CALN1: variants seen among roughly 807,000 people sequenced by gnomAD.
CALN1 encodes the protein calneuron 1.
A neutral mutation model predicts 30.6 loss-of-function variants in CALN1; 17 were observed. The ratio of observed to expected loss-of-function variants is 0.56; its 90% CI spans 0.38 to 0.83. The LOEUF is 0.83. CALN1 is among the 40% of genes least tolerant of loss of function. CALN1 has a pLI of 0.00. For synonymous variants in CALN1, 156 were observed against 131.4 expected, an observed-to-expected ratio of 1.19 and a Z score of -1.28; for missense variants, 291 against 354.9, an observed-to-expected ratio of 0.82 and a Z score of 1.45.
upstream of CALN1, among the ~76,000 whole-genome samples, chr7:72,448,538 C>T (rs1042311237): frequency 6.6e-6 from 1 of 152,114 alleles, no homozygotes; most frequent in Admixed American, 6.5e-5. Context: ...TAGCTCATTG[C>T]ACTTGGCATC....
intron 5 of CALN1, among the ~76,000 whole-genome samples, chr7:71,888,366 G>A (rs888302084): frequency 1.3e-5 from 2 of 150,654 alleles, no homozygotes; most frequent in Non-Finnish European, 2.9e-5. Context: ...ACTGAAAACC[G>A]CTGACTTGTG....
At chr7:72,415,658 G>A (rs556023330), upstream of CALN1, among the ~76,000 whole-genome samples, 212 of 152,358 alleles carry the variant, frequency 1.4e-3, 1 homozygote, top group Non-Finnish European at 2.4e-3. Flanking sequence ...TTTGTGGGCT[G>A]AACCAGGCCT....
chr7:72,384,123 G>A (rs538951537), intron 2 of CALN1, among the ~76,000 whole-genome samples: 16 of 152,232 alleles, frequency 1.1e-4, no homozygotes, highest in South Asian at 4.1e-4. Context: ...GGAAGGAGGC[G>A]GCAAAATGCT....
chr7:71,841,266 C>T (rs539456836), intron 5 of CALN1, among the ~76,000 whole-genome samples: 169 of 152,336 alleles, frequency 1.1e-3, no homozygotes, highest in African/African-American at 3.8e-3. Context: ...CAGGCTGCTG[C>T]CTCTCTGCCC....
intron 5 of CALN1, among the ~76,000 whole-genome samples, chr7:71,887,426 T>G (rs1468565033): frequency 6.6e-6 from 1 of 152,028 alleles, no homozygotes; most frequent in Non-Finnish European, 1.5e-5. Context: ...CTCCCAAGTA[T>G]CTGGAATTAC....
At chr7:71,796,171 G>A (rs1786907984) in intron 6 of CALN1, among the ~76,000 whole-genome samples, 1 of 151,828 alleles carries the variant, frequency 6.6e-6, no homozygotes, top group South Asian at 2.1e-4. Flanking sequence ...GTATGAATAT[G>A]TCATACTTTG....
At chr7:72,436,383 C>T (rs367872378) in intron 1 of CALN1, among the ~76,000 whole-genome samples, 2 of 152,194 alleles carry the variant, frequency 1.3e-5, no homozygotes, top group African/African-American at 2.4e-5. Context: ...GTAAGATGTG[C>T]CTTGTGCCTT....
At chr7:71,994,630 G>A (rs1799151292) in intron 5 of CALN1, among the ~76,000 whole-genome samples, 1 of 152,000 alleles carries the variant, frequency 6.6e-6, no homozygotes, top group Admixed American at 6.6e-5. Flanking sequence ...ACACACCAGA[G>A]TGAGGTTAAG....
chr7:72,324,614 C>T (rs1458137584), intron 2 of CALN1, among the ~76,000 whole-genome samples: 1 of 151,066 alleles, frequency 6.6e-6, no homozygotes, highest in Non-Finnish European at 1.5e-5. Context: ...ACAGAGTCTC[C>T]CTCTGTTGGC....
chr7:72,077,539 G>A (rs989530018), intron 4 of CALN1, among the ~76,000 whole-genome samples: 3 of 152,166 alleles, frequency 2.0e-5, no homozygotes, highest in Admixed American at 2.0e-4. Context: ...CTCCCAAAGT[G>A]CTAAGATTAC....
intron 2 of CALN1, among the ~76,000 whole-genome samples, chr7:72,368,498 A>G (rs1326080281): frequency 6.6e-6 from 1 of 152,032 alleles, no homozygotes; most frequent in Non-Finnish European, 1.5e-5. Flanking sequence ...AGTGTGTGAT[A>G]AATTTATATA....
intron 4 of CALN1, among the ~76,000 whole-genome samples, chr7:72,090,892 A>C (rs1563049392): frequency 6.6e-6 from 1 of 152,160 alleles, no homozygotes; most frequent in Non-Finnish European, 1.5e-5. Flanking sequence ...CTCGTGGAGA[A>C]AGAGAGTAGA....
intron 5 of CALN1, among the ~76,000 whole-genome samples, chr7:71,847,684 A>G (rs920453210): frequency 2.2e-5 from 3 of 139,470 alleles, no homozygotes; most frequent in Admixed American, 1.4e-4. Flanking sequence ...TCTGTCAAAA[A>G]AAAAAAGGAG....
At chr7:71,938,142 G>C (rs1041141617) in intron 5 of CALN1, among the ~76,000 whole-genome samples, 1 of 152,178 alleles carries the variant, frequency 6.6e-6, no homozygotes, top group African/African-American at 2.4e-5. Context: ...CATACAGATG[G>C]GGGCTGCATT....
At chr7:72,246,310 C>A (rs900947644) in intron 3 of CALN1, among the ~76,000 whole-genome samples, 8 of 152,150 alleles carry the variant, frequency 5.3e-5, no homozygotes, top group Non-Finnish European at 8.8e-5. Flanking sequence ...CCTTAAAATG[C>A]TGACACCATT....
intron 3 of CALN1, among the ~76,000 whole-genome samples, chr7:72,198,479 C>T (rs1791192572): frequency 6.6e-6 from 1 of 152,144 alleles, no homozygotes; most frequent in Non-Finnish European, 1.5e-5. Context: ...AAGTAAGGAT[C>T]ACTTTGTCCT....
chr7:71,969,319 C>A lies in CALN1; in HGVS notation c.501+54338G>T, dbSNP rs567974045. On this transcript the variant is annotated intron_variant, in intron 5 of 6. Transcript: ENST00000395275. The stretch of plus-strand genomic sequence containing the variant: ...GACATGCATTCTCGGTATTAACCTT[C>A]TCCTCAGCATCATCTTACTTTCCTA... Among the ~76,000 whole-genome samples the A allele has an allele frequency of 3.3e-5, 5 of 152,244 alleles. No individual in the cohort carries two copies. The South Asian group carries it at 1.0e-3, about 32-fold the overall frequency.
intron 3 of CALN1, among the ~76,000 whole-genome samples, chr7:72,220,521 A>G (rs992492310): frequency 1.2e-4 from 18 of 151,940 alleles, no homozygotes; most frequent in African/African-American, 4.4e-4. Context: ...ATGTGTCTTT[A>G]TAGCAGCATG....
chr7:72,133,257 A>T (rs1289038091), intron 3 of CALN1, among the ~76,000 whole-genome samples: 1 of 152,230 alleles, frequency 6.6e-6, no homozygotes, highest in Non-Finnish European at 1.5e-5. Context: ...GGAAATACAG[A>T]GTCATGTGAC....
Sources: gnomAD v4.1 joint callset for allele counts (sites outside exome capture counted in the v4.1 genomes callset) on GRCh38, gnomAD v4.1.1 for gene constraint, MANE v1.5 for transcripts, NCBI Gene and HGNC (gene_info 2026-07-23, HGNC 2026-07-21) for gene names.